The following HORMAD2 variants were observed in gnomAD, a reference collection of about 807,000 sequenced individuals.
The protein encoded by HORMAD2 is HORMA domain-containing protein 2.
In HORMAD2, 45 loss-of-function variants were observed where a neutral mutation model predicts 38.8. That is an observed-to-expected ratio of 1.16 (90% CI 0.91 to 1.49). The LOEUF (loss-of-function observed/expected upper bound fraction) is 1.49. Among genes scored for constraint, HORMAD2 ranks in the 40% most tolerant of loss-of-function variants. The pLI is 0.00. For synonymous variants in HORMAD2, 126 were observed against 122.8 expected, an observed-to-expected ratio of 1.03 and a Z score of -0.17; for missense variants, 338 against 367.0, an observed-to-expected ratio of 0.92 and a Z score of 0.65.
At chr22:30,143,794 T>C (rs1790625986) in intron 10 of HORMAD2, among the ~76,000 whole-genome samples, 1 of 152,114 alleles carries the variant, frequency 6.6e-6, no homozygotes, top group Non-Finnish European at 1.5e-5. Context: ...TGGGAGGTGT[T>C]TGGGTCATGG....
the HORMAD2 span, among the ~76,000 whole-genome samples, chr22:30,187,002 A>G: frequency 6.6e-6 from 1 of 152,186 alleles, no homozygotes; most frequent in Non-Finnish European, 1.5e-5. Context: ...AATGTCAAGC[A>G]TCCACTCTAA....
At chr22:30,164,759 G>C (rs1004116079) in intron 10 of HORMAD2, among the ~76,000 whole-genome samples, 1 of 152,180 alleles carries the variant, frequency 6.6e-6, no homozygotes, top group Non-Finnish European at 1.5e-5. Context: ...CTCCTGAGTA[G>C]CTGGGATTAC....
At chr22:30,080,830 T>C (rs1029218958) in intron 1 of HORMAD2, among the ~76,000 whole-genome samples, 1 of 152,106 alleles carries the variant, frequency 6.6e-6, no homozygotes, top group African/African-American at 2.4e-5. Flanking sequence ...GGGCAGACGA[T>C]GTCTGTGCCC....
At chr22:30,106,274 A>G (rs1341016752) in intron 5 of HORMAD2, among the ~76,000 whole-genome samples, 1 of 152,128 alleles carries the variant, frequency 6.6e-6, no homozygotes, top group East Asian at 1.9e-4. Flanking sequence ...GCCTCCCAAC[A>G]TGCTGGGATT....
chr22:30,171,860 C>A (rs989397029), intron 10 of HORMAD2, among the ~76,000 whole-genome samples: 3 of 151,838 alleles, frequency 2.0e-5, no homozygotes, highest in Admixed American at 6.6e-5. Flanking sequence ...AAAGGGAAGG[C>A]AATGGAGGGG....
intron 1 of HORMAD2, among the ~76,000 whole-genome samples, chr22:30,082,778 C>T (rs549659906): frequency 1.2e-4 from 17 of 143,592 alleles, no homozygotes; most frequent in Middle Eastern, 3.8e-3. Context: ...ATCATGCCAC[C>T]GCACTTTACT....
intron 10 of HORMAD2, among the ~76,000 whole-genome samples, chr22:30,170,400 T>C (rs1926038757): frequency 6.6e-6 from 1 of 152,076 alleles, no homozygotes; most frequent in East Asian, 1.9e-4. Flanking sequence ...TCACAACATA[T>C]CTGTCTTTTT....
chr22:30,198,700 G>A, the HORMAD2 span, among the ~76,000 whole-genome samples: 6 of 152,170 alleles, frequency 3.9e-5, no homozygotes, highest in East Asian at 1.9e-4. Context: ...CCTCATCCTC[G>A]CTTCACCCCA....
At chr22:30,185,203 A>C in the HORMAD2 span, among the ~76,000 whole-genome samples, 3 of 152,224 alleles carry the variant, frequency 2.0e-5, no homozygotes, top group African/African-American at 7.2e-5. Flanking sequence ...CCCATTCATC[A>C]TCAGTGGTTC....
At chr22:30,145,650 A>G (rs989016138) in intron 10 of HORMAD2, among the ~76,000 whole-genome samples, 3 of 152,268 alleles carry the variant, frequency 2.0e-5, no homozygotes, top group Non-Finnish European at 4.4e-5. Context: ...TCAAATTGAA[A>G]CATAATGAAA....
At chr22:30,183,036 G>T in the HORMAD2 span, among the ~76,000 whole-genome samples, 2 of 152,076 alleles carry the variant, frequency 1.3e-5, no homozygotes, top group East Asian at 1.9e-4. Context: ...ACTTGCTTAC[G>T]CACATTTATT....
chr22:30,133,727 A>G (rs1923447517), intron 10 of HORMAD2, among the ~76,000 whole-genome samples: 1 of 152,114 alleles, frequency 6.6e-6, no homozygotes, highest in Non-Finnish European at 1.5e-5. Flanking sequence ...TAAACAATAC[A>G]GTATAACTAC....
At position 30,103,500 on chromosome 22, in the gene HORMAD2, G is replaced by A. The variant is rs767159647; in HGVS notation, c.257G>A (p.Trp86Ter). The A allele has an allele frequency of 2.1e-6, 3 of 1,463,372 alleles. No individual in the cohort carries two copies. The highest frequency in any genetic ancestry group is 1.7e-4 in the Middle Eastern group (1 of 5,854). The allele number at this position is 1,463,372 out of a possible 1,614,324, so 90.6% of individuals were successfully genotyped here. A position where few individuals can be genotyped will look rare whatever the true frequency, so the allele number is the denominator to read the frequency against. ...KCPGSLHIIR[W>*]IQGCFDALEK... is the part of the protein sequence containing the mutation. ...CCCGGGTCACTGCATATTATCAGAT[G>A]GTAAGTAATAGAAATTCTATAAAAG... Residue 86 changes from tryptophan (W) to a stop codon, truncating the protein, a stop_gained and splice_region_variant, in exon 4 of 11, where the codon TGG becomes TAG. Coordinates refer to ENST00000336726, the MANE Select transcript of HORMAD2 (RefSeq NM_152510.4). LOFTEE classifies it high-confidence loss of function.
downstream of HORMAD2, among the ~76,000 whole-genome samples, chr22:30,178,185 A>G (rs532019509): frequency 4.2e-4 from 64 of 152,368 alleles, no homozygotes; most frequent in South Asian, 0.013. Flanking sequence ...TTCAAGGGGA[A>G]TTGAGCTCAT....
At chr22:30,188,422 T>C in the HORMAD2 span, among the ~76,000 whole-genome samples, 1 of 152,034 alleles carries the variant, frequency 6.6e-6, no homozygotes, top group Admixed American at 6.5e-5. Flanking sequence ...CATTGAATCA[T>C]CAGAAATATG....
At chr22:30,179,589 T>A (rs1182265912), downstream of HORMAD2, among the ~76,000 whole-genome samples, 1 of 152,240 alleles carries the variant, frequency 6.6e-6, no homozygotes, top group Non-Finnish European at 1.5e-5. Flanking sequence ...AATCTGCTCA[T>A]ATAATATCCC....
rs552413651 is a variant in HORMAD2 at position 30,162,670 on chromosome 22, A to G, written c.820-13393A>G. Among the ~76,000 whole-genome samples the G allele has an allele frequency of 6.0e-5, 9 of 149,238 alleles. No individual in the cohort carries two copies. In the East Asian group the frequency reaches 1.8e-3, roughly 29 times the overall value. On this transcript the variant is annotated intron_variant, in intron 10 of 10. Coordinates refer to ENST00000336726, the MANE Select transcript of HORMAD2 (RefSeq NM_152510.4). Reference sequence around the variant, plus strand: ...CTATTAGGCAGTACTGTATATAGGTATATACATGCAAACATTTGATTTGTG... The same window carrying G: ...CTATTAGGCAGTACTGTATATAGGTGTATACATGCAAACATTTGATTTGTG...
At chr22:30,206,736 T>C in the HORMAD2 span, among the ~76,000 whole-genome samples, 3 of 152,248 alleles carry the variant, frequency 2.0e-5, no homozygotes, top group Admixed American at 2.0e-4. Context: ...CCTGCAGTGC[T>C]GGGATTACAG....
At chr22:30,128,149 A>C (rs1923010858) in intron 10 of HORMAD2, among the ~76,000 whole-genome samples, 1 of 152,210 alleles carries the variant, frequency 6.6e-6, no homozygotes, top group African/African-American at 2.4e-5. Context: ...CCAGTAGATG[A>C]AAATTATGTT....
Sources: gnomAD v4.1 joint callset for allele counts (sites outside exome capture counted in the v4.1 genomes callset) on GRCh38, gnomAD v4.1.1 for gene constraint, MANE v1.5 for transcripts, NCBI Gene and HGNC (gene_info 2026-07-23, HGNC 2026-07-21) for gene names.